ZNF277: variants seen among roughly 807,000 people sequenced by gnomAD.
ZNF277 encodes nuclear receptor-interacting factor 4.
A neutral mutation model predicts 60.7 loss-of-function variants in ZNF277; 55 were observed. The observed-to-expected ratio is 0.91, with a 90% confidence interval of 0.73 to 1.13. ZNF277 has a LOEUF of 1.13. ZNF277 is among the 50% of genes most tolerant of loss of function. The pLI, the probability that ZNF277 is intolerant of heterozygous loss-of-function variation, is 0.00. For missense variants in ZNF277, 510 were observed against 523.0 expected (o/e 0.98, Z 0.24); for synonymous variants, 178 against 179.3 (o/e 0.99, Z 0.06).
intron 7 of ZNF277, among the ~76,000 whole-genome samples, chr7:112,330,674 C>T (rs1172998221): frequency 1.3e-5 from 2 of 150,368 alleles, no homozygotes; most frequent in East Asian, 4.0e-4. Context: ...AAGCAATTCT[C>T]CTGCCTCAGC....
At chr7:112,270,801 A>G (rs888999458) in intron 1 of ZNF277, among the ~76,000 whole-genome samples, 9 of 152,128 alleles carry the variant, frequency 5.9e-5, no homozygotes, top group Admixed American at 5.2e-4. Flanking sequence ...ACTAACTTAT[A>G]AAGTTATAAA....
intron 1 of ZNF277, among the ~76,000 whole-genome samples, chr7:112,208,660 G>A (rs1013346223): frequency 1.7e-5 from 2 of 120,430 alleles, no homozygotes; most frequent in African/African-American, 3.2e-5. Flanking sequence ...TATGACACAC[G>A]TCTGTATGAT....
intron 1 of ZNF277, among the ~76,000 whole-genome samples, chr7:112,262,476 G>T (rs1791460713): frequency 6.6e-6 from 1 of 151,998 alleles, no homozygotes; most frequent in African/African-American, 2.4e-5. Flanking sequence ...TATAGGGATT[G>T]TCTGTTTGCC....
intron 8 of ZNF277, among the ~76,000 whole-genome samples, chr7:112,337,381 T>C (rs150181148): frequency 6.6e-6 from 1 of 152,360 alleles, no homozygotes; most frequent in East Asian, 1.9e-4. Flanking sequence ...TTGTGGTTAA[T>C]GGGAGAGAGC....
At chr7:112,330,336 A>T (rs1430444757) in intron 7 of ZNF277, 120 bp downstream of exon 7, 1 of 914,582 alleles carries the variant, frequency 1.1e-6, no homozygotes, top group African/African-American at 1.6e-5. Context: ...ATTGAGGGGC[A>T]CATTCAAGTA....
chr7:112,242,788 T>A (rs997850731), intron 1 of ZNF277, among the ~76,000 whole-genome samples: 1 of 151,960 alleles, frequency 6.6e-6, no homozygotes, highest in African/African-American at 2.4e-5. Flanking sequence ...AAAATATCAA[T>A]GTCATTTTTC....
chr7:112,299,809 C>T (rs894705070), intron 4 of ZNF277, among the ~76,000 whole-genome samples: 5 of 152,088 alleles, frequency 3.3e-5, no homozygotes, highest in Non-Finnish European at 2.9e-5. Flanking sequence ...CTCAAGTCCA[C>T]GAGGAAGAAC....
chr7:112,265,373 C>A (rs1791527252), intron 1 of ZNF277, among the ~76,000 whole-genome samples: 1 of 152,102 alleles, frequency 6.6e-6, no homozygotes, highest in Admixed American at 6.6e-5. Flanking sequence ...GTCAGTGGAG[C>A]AGTAAGAACA....
intron 7 of ZNF277, among the ~76,000 whole-genome samples, chr7:112,331,797 G>T (rs1397543607): frequency 6.6e-6 from 1 of 152,204 alleles, no homozygotes; most frequent in African/African-American, 2.4e-5. Flanking sequence ...GGACTTCAGT[G>T]CTAGCTCTAA....
intron 1 of ZNF277, among the ~76,000 whole-genome samples, chr7:112,250,163 G>C (rs1000381889): frequency 6.6e-6 from 1 of 152,112 alleles, no homozygotes. Flanking sequence ...CCCCCCGGGC[G>C]TTTAGTCTCA....
chr7:112,314,602 TG>T (rs1792802046), intron 4 of ZNF277, among the ~76,000 whole-genome samples: 1 of 152,100 alleles, frequency 6.6e-6, no homozygotes, highest in African/African-American at 2.4e-5. Flanking sequence ...AAGGCCAGCC[TG>T]GGCAAGATGG....
intron 1 of ZNF277, among the ~76,000 whole-genome samples, chr7:112,269,418 C>A (rs1326129706): frequency 1.3e-5 from 2 of 151,810 alleles, no homozygotes; most frequent in East Asian, 1.9e-4. Flanking sequence ...TATTCTAGGA[C>A]AATTAGTTGT....
chr7:112,330,160 C>T lies in ZNF277; in HGVS notation c.745C>T (p.Arg249Cys), dbSNP rs769823301. The change falls in exon 7 of 12, where the codon CGT (arginine) becomes TGT (cysteine). Residue 249 changes from arginine (R) to cysteine (C), a missense_variant. Arg to Cys is a radical substitution (Grantham distance 180). Transcript: ENST00000361822. ...AGATCACATGAGGAAAAAACAGCAT[C>T]GTAAGATTAATCCTAAGAACAGAGA... ...LKDHMRKKQH[R>C]KINPKNREYD... is the part of the protein sequence containing the mutation. The T allele has an allele frequency of 1.2e-5, 19 of 1,613,000 alleles. No homozygotes were observed. The highest frequency in any genetic ancestry group is 1.6e-5 in the Non-Finnish European group (19 of 1,179,650).
At chr7:112,270,184 G>A (rs1563210519) in intron 1 of ZNF277, among the ~76,000 whole-genome samples, 1 of 152,166 alleles carries the variant, frequency 6.6e-6, no homozygotes, top group East Asian at 1.9e-4. Context: ...TTGATTCTTT[G>A]CATCCTTGAA....
Position 112,342,890 on chromosome 7 carries a change from A to G in ZNF277, c.*161A>G, listed in dbSNP as rs1257770269. The G allele has an allele frequency of 4.3e-5, 23 of 539,820 alleles. No homozygotes were observed. The highest frequency in any genetic ancestry group is 6.7e-5 in the Non-Finnish European group (23 of 343,392). The allele number at this position is 539,820 out of a possible 1,614,324, so 33.4% of individuals were successfully genotyped here. A position where few individuals can be genotyped will look rare whatever the true frequency, so the allele number is the denominator to read the frequency against. ...AATGAATGTTCTTTTCAAAAAATAA[A>G]GTAGAAAAATGCACTTACTAAGAAC... On this transcript the variant is annotated 3_prime_UTR_variant, in exon 12 of 12. Transcript: ENST00000361822.
intron 1 of ZNF277, among the ~76,000 whole-genome samples, chr7:112,247,677 A>G (rs116464094): frequency 0.044 from 6,645 of 152,172 alleles, 341 homozygotes; most frequent in African/African-American, 0.13. Context: ...AGATTGTAAC[A>G]TAATAGGCAT....
chr7:112,243,911 A>G (rs961447984), intron 1 of ZNF277, among the ~76,000 whole-genome samples: 2 of 152,152 alleles, frequency 1.3e-5, no homozygotes, highest in Non-Finnish European at 2.9e-5. Flanking sequence ...CGCGTCCATC[A>G]ATGGATGATT....
intron 1 of ZNF277, among the ~76,000 whole-genome samples, chr7:112,240,142 AC>A (rs1297951263): frequency 4.6e-5 from 7 of 152,208 alleles, no homozygotes; most frequent in Non-Finnish European, 1.0e-4. Flanking sequence ...AAAATGTACC[AC>A]CAGGGAAAAT....
At chr7:112,322,572 T>G (rs62473141) in intron 5 of ZNF277, among the ~76,000 whole-genome samples, 2,238 of 152,244 alleles carry the variant, frequency 0.015, 43 homozygotes, top group Middle Eastern at 0.051. Flanking sequence ...CATAATAATT[T>G]ATATCTTTTT....
Sources: allele counts gnomAD v4.1 joint callset (sites outside exome capture counted in the v4.1 genomes callset), GRCh38; gene constraint gnomAD v4.1.1; transcripts MANE v1.5; gene names NCBI Gene and HGNC (gene_info 2026-07-23, HGNC 2026-07-21).